Variants in MAGI1 observed in about 807,000 individuals in gnomAD.
MAGI1 encodes membrane-associated guanylate kinase, WW and PDZ domain-containing protein 1.
MAGI1 carries 58 observed loss-of-function variants against 139.9 expected under a neutral mutation model. That is an observed-to-expected ratio of 0.41 (90% CI 0.34 to 0.52). The LOEUF is 0.52. Among genes scored for constraint, MAGI1 ranks in the 20% least tolerant of loss-of-function variants. MAGI1 has a pLI of 0.12. For synonymous variants in MAGI1, 812 were observed against 737.9 expected, an observed-to-expected ratio of 1.10 and a Z score of -1.63; for missense variants, 1,874 against 1,901.6, an observed-to-expected ratio of 0.99 and a Z score of 0.27.
intron 14 of MAGI1, 105 bp downstream of exon 14, chr3:65,391,037 T>C: frequency 1.0e-6 from 1 of 972,302 alleles, no homozygotes; most frequent in Admixed American, 2.3e-5. Context: ...GATTTCACTT[T>C]ACCCAGTTTA....
chr3:65,413,968 T>C (rs1370540057), intron 12 of MAGI1, among the ~76,000 whole-genome samples: 1 of 152,112 alleles, frequency 6.6e-6, no homozygotes, highest in Admixed American at 6.5e-5. Context: ...GGAAACGAAA[T>C]ACATGCTGAC....
intron 1 of MAGI1, among the ~76,000 whole-genome samples, chr3:66,007,603 G>C (rs895971388): frequency 6.6e-6 from 1 of 152,210 alleles, no homozygotes; most frequent in Non-Finnish European, 1.5e-5. Flanking sequence ...ATCCTAAGCA[G>C]CTGTTGTCAG....
chr3:65,629,197 T>C (rs1219039977), intron 1 of MAGI1, among the ~76,000 whole-genome samples: 1 of 152,136 alleles, frequency 6.6e-6, no homozygotes, highest in Non-Finnish European at 1.5e-5. Flanking sequence ...TGTTGCTCAG[T>C]AGAAAGAATC....
intron 18 of MAGI1, among the ~76,000 whole-genome samples, chr3:65,367,958 A>C (rs1376100399): frequency 1.3e-5 from 2 of 152,170 alleles, no homozygotes; most frequent in African/African-American, 4.8e-5. Context: ...AGCAGCACCA[A>C]AATAATTTTA....
intron 1 of MAGI1, among the ~76,000 whole-genome samples, chr3:66,010,874 G>A (rs570346652): frequency 1.4e-3 from 212 of 152,246 alleles, no homozygotes; most frequent in African/African-American, 4.5e-3. Context: ...TTTTATGGCC[G>A]GTCTCATCCT....
At chr3:65,969,614 C>A (rs1317160156) in intron 1 of MAGI1, among the ~76,000 whole-genome samples, 2 of 152,110 alleles carry the variant, frequency 1.3e-5, no homozygotes, top group African/African-American at 2.4e-5. Context: ...CAAGGTGACC[C>A]CTTCATAAGC....
At chr3:65,795,047 C>T (rs1043738464) in intron 1 of MAGI1, among the ~76,000 whole-genome samples, 16 of 152,182 alleles carry the variant, frequency 1.1e-4, no homozygotes, top group Middle Eastern at 3.4e-3. Context: ...AAAACAGTGA[C>T]GACAGCAAAC....
At chr3:65,633,830 G>C (rs972796272) in intron 1 of MAGI1, among the ~76,000 whole-genome samples, 2 of 152,122 alleles carry the variant, frequency 1.3e-5, no homozygotes, top group African/African-American at 4.8e-5. Flanking sequence ...CTTATGGCAT[G>C]CCCTCGTAAA....
intron 1 of MAGI1, among the ~76,000 whole-genome samples, chr3:65,887,082 T>G (rs1404346135): frequency 1.3e-5 from 2 of 152,150 alleles, no homozygotes; most frequent in Non-Finnish European, 2.9e-5. Context: ...ATAGTCTAAG[T>G]TGAAACCAAG....
At chr3:65,762,440 A>G (rs1244142153) in intron 1 of MAGI1, among the ~76,000 whole-genome samples, 2 of 152,124 alleles carry the variant, frequency 1.3e-5, no homozygotes, top group Non-Finnish European at 2.9e-5. Context: ...AGTGAAGTAC[A>G]AAGAATGGGA....
intron 12 of MAGI1, among the ~76,000 whole-genome samples, chr3:65,426,029 A>C (rs1947019164): frequency 6.6e-6 from 1 of 152,208 alleles, no homozygotes; most frequent in Non-Finnish European, 1.5e-5. Flanking sequence ...AAGGGTAAAA[A>C]GCACTTTCCT....
chr3:65,667,440 G>A (rs1028860898), intron 1 of MAGI1, among the ~76,000 whole-genome samples: 1 of 152,250 alleles, frequency 6.6e-6, no homozygotes, highest in Non-Finnish European at 1.5e-5. Flanking sequence ...GCTACCGCAT[G>A]AGAAGTGTGA....
At chr3:65,509,364 G>A (rs543245102) in intron 2 of MAGI1, among the ~76,000 whole-genome samples, 1 of 152,166 alleles carries the variant, frequency 6.6e-6, no homozygotes, top group Non-Finnish European at 1.5e-5. Context: ...CGCAGAAGAC[G>A]GGTGATTTCT....
chr3:65,815,014 T>A lies in MAGI1; in HGVS notation c.314-192926A>T, dbSNP rs560104334. On this transcript the variant is annotated intron_variant, in intron 1 of 22. Coordinates refer to ENST00000402939, the MANE Select transcript of MAGI1 (RefSeq NM_001033057.2). ...TGGGAAAGCTGCAAGATCATCCACTTGGGAAACACAGCAGCTGTATTTCTA... is the reference window on the plus strand; with the variant it reads ...TGGGAAAGCTGCAAGATCATCCACTAGGGAAACACAGCAGCTGTATTTCTA... 2.6e-5 allele frequency among the ~76,000 whole-genome samples: 4 copies of A among 152,176 alleles called. No individual in the cohort carries two copies. In the South Asian group the frequency reaches 8.3e-4, roughly 32 times the overall value.
intron 1 of MAGI1, among the ~76,000 whole-genome samples, chr3:65,889,410 AC>A (rs2060653843): frequency 6.6e-6 from 1 of 152,230 alleles, no homozygotes; most frequent in African/African-American, 2.4e-5. Context: ...GCTTAGCGAC[AC>A]ACTCAACATT....
At chr3:65,691,688 A>G (rs2088668704) in intron 1 of MAGI1, among the ~76,000 whole-genome samples, 1 of 152,204 alleles carries the variant, frequency 6.6e-6, no homozygotes, top group Non-Finnish European at 1.5e-5. Flanking sequence ...TTCCAAATCT[A>G]ACAGAATTTA....
chr3:65,830,734 T>C (rs930213975), intron 1 of MAGI1, among the ~76,000 whole-genome samples: 3 of 152,192 alleles, frequency 2.0e-5, no homozygotes, highest in African/African-American at 7.2e-5. Context: ...ATGGGACTGC[T>C]TGCCCAAACT....
chr3:65,487,347 T>TC (rs1183642975), intron 3 of MAGI1, among the ~76,000 whole-genome samples: 1 of 152,194 alleles, frequency 6.6e-6, no homozygotes, highest in Non-Finnish European at 1.5e-5. Flanking sequence ...CACAACCATA[T>TC]CTGCTTTTGT....
intron 5 of MAGI1, among the ~76,000 whole-genome samples, chr3:65,467,707 A>G (rs1950258152): frequency 6.6e-6 from 1 of 152,224 alleles, no homozygotes; most frequent in South Asian, 2.1e-4. Flanking sequence ...CCAATATATC[A>G]AGTCAGTCTT....
Sources: allele counts gnomAD v4.1 joint callset (sites outside exome capture counted in the v4.1 genomes callset), GRCh38; gene constraint gnomAD v4.1.1; transcripts MANE v1.5; gene names NCBI Gene and HGNC (gene_info 2026-07-23, HGNC 2026-07-21).